The following RBPJ variants were observed in gnomAD, a reference collection of about 807,000 sequenced individuals.
RBPJ encodes the protein recombination signal binding protein for immunoglobulin kappa J region, also known as recombining binding protein suppressor of hairless.
In RBPJ, 9 loss-of-function variants were observed where a neutral mutation model predicts 67.8. That is an observed-to-expected ratio of 0.13 (90% CI 0.08 to 0.23). The LOEUF is 0.23. RBPJ is among the 10% of genes least tolerant of loss of function. The probability of loss-of-function intolerance (pLI) is 1.00; values close to 1 mark genes in which losing one functional copy is unlikely to be tolerated. For missense variants in RBPJ, 305 were observed against 595.6 expected, an observed-to-expected ratio of 0.51 and a Z score of 5.08; for synonymous variants, 198 against 203.3, an observed-to-expected ratio of 0.97 and a Z score of 0.22.
intron 1 of RBPJ, among the ~76,000 whole-genome samples, chr4:26,232,799 C>T (rs2109207271): frequency 6.6e-6 from 1 of 152,336 alleles, no homozygotes; most frequent in East Asian, 1.9e-4. Context: ...TTGGATCTCT[C>T]TGTGCTTCAT....
intron 1 of RBPJ, among the ~76,000 whole-genome samples, chr4:26,332,737 A>G (rs1467965866): frequency 2.0e-5 from 3 of 152,088 alleles, no homozygotes; most frequent in African/African-American, 7.2e-5. Context: ...TGAAGCCTGA[A>G]ACTCCTGGAC....
intron 1 of RBPJ, chr4:26,362,481 C>T: frequency 4.0e-6 from 6 of 1,485,884 alleles, no homozygotes; most frequent in Non-Finnish European, 5.4e-6. Flanking sequence ...CAAATGGAAG[C>T]ATTATAGTTC....
At chr4:26,293,648 T>G (rs1721750817) in intron 1 of RBPJ, among the ~76,000 whole-genome samples, 2 of 149,256 alleles carry the variant, frequency 1.3e-5, no homozygotes, top group Non-Finnish European at 3.0e-5. Context: ...AAATAAGAAA[T>G]AAAAAAATAA....
intron 1 of RBPJ, among the ~76,000 whole-genome samples, chr4:26,268,508 A>G (rs1720779017): frequency 6.6e-6 from 1 of 152,202 alleles, no homozygotes; most frequent in Admixed American, 6.5e-5. Context: ...TTAGCCAGCC[A>G]GGAGTACAGT....
At chr4:26,234,833 C>T (rs1719402224) in intron 1 of RBPJ, among the ~76,000 whole-genome samples, 2 of 152,098 alleles carry the variant, frequency 1.3e-5, no homozygotes, top group Admixed American at 1.3e-4. Flanking sequence ...GCTGGGATTA[C>T]AGGCACATGC....
chr4:26,149,955 C>A, the RBPJ span, among the ~76,000 whole-genome samples: 4 of 152,208 alleles, frequency 2.6e-5, no homozygotes, highest in Non-Finnish European at 4.4e-5. Flanking sequence ...CGTTTCTTAG[C>A]CTCTCCAGTG....
chr4:26,137,892 G>T, the RBPJ span, among the ~76,000 whole-genome samples: 4 of 152,192 alleles, frequency 2.6e-5, no homozygotes, highest in African/African-American at 9.7e-5. Context: ...ACGGGCCCCA[G>T]TTAGCTTAAC....
rs747169231 is a variant in RBPJ, at chr4:26,424,810, C to G, written c.747+67C>G. The G allele has an allele frequency of 1.6e-5, 15 of 928,638 alleles. No homozygotes were observed. The highest frequency in any genetic ancestry group is 2.4e-5 in the Non-Finnish European group (14 of 584,594). 57.5% of individuals were successfully genotyped at this position (928,638 alleles called of 1,614,324 possible). ...ATTAATTTCTTAAACAGGAAAATCA[C>G]AACATTCAAATGGAAAAACACACCT... On this transcript the variant is annotated intron_variant, in intron 7 of 10. Transcript: ENST00000355476. The surrounding 1 kb of genome is among the most constrained non-coding windows in gnomAD (Gnocchi z 5.3).
the RBPJ span, among the ~76,000 whole-genome samples, chr4:26,114,366 G>A: frequency 1.6e-4 from 24 of 151,666 alleles, no homozygotes; most frequent in African/African-American, 5.6e-4. Flanking sequence ...GGCTGAGGCA[G>A]GAGAAGCTTG....
chr4:26,400,016 A>G (rs1732604353), intron 2 of RBPJ, among the ~76,000 whole-genome samples: 1 of 152,226 alleles, frequency 6.6e-6, no homozygotes, highest in Admixed American at 6.5e-5. Context: ...CATTAAATGA[A>G]ATTAGTAAAC....
the RBPJ span, among the ~76,000 whole-genome samples, chr4:26,133,448 A>G: frequency 6.6e-6 from 1 of 152,192 alleles, no homozygotes; most frequent in Non-Finnish European, 1.5e-5. Context: ...CTCAGAGTTC[A>G]AGGGACTCAT....
the RBPJ span, among the ~76,000 whole-genome samples, chr4:26,118,379 T>C: frequency 0.36 from 54,204 of 152,058 alleles, 11,305 homozygotes; most frequent in African/African-American, 0.56. Flanking sequence ...CCAGGTGAGG[T>C]ATGGGTTATC....
chr4:26,284,347 A>G (rs960766823), intron 1 of RBPJ, among the ~76,000 whole-genome samples: 4 of 152,212 alleles, frequency 2.6e-5, no homozygotes, highest in Admixed American at 6.5e-5. Context: ...TCAGCCTCCA[A>G]CTTCATACTT....
At chr4:26,153,457 A>G in the RBPJ span, among the ~76,000 whole-genome samples, 1 of 152,180 alleles carries the variant, frequency 6.6e-6, no homozygotes, top group East Asian at 1.9e-4. Flanking sequence ...TGATTAAAAG[A>G]TTACTGTACA....
At chr4:26,140,691 G>A in the RBPJ span, among the ~76,000 whole-genome samples, 12 of 134,990 alleles carry the variant, frequency 8.9e-5, no homozygotes, top group East Asian at 2.2e-4. Flanking sequence ...GGTCACCAGC[G>A]TTTTGATTAA....
At chr4:26,346,590 T>A (rs776630760) in intron 1 of RBPJ, among the ~76,000 whole-genome samples, 10 of 152,178 alleles carry the variant, frequency 6.6e-5, no homozygotes, top group Non-Finnish European at 1.3e-4. Context: ...GAAAATGATT[T>A]GGGGCTGCTT....
rs548802368 is a variant in RBPJ, at chr4:26,213,665, T to C, written c.-167+50051T>C. Among the ~76,000 whole-genome samples, 8 of 152,272 alleles carry C rather than the reference T, an allele frequency of 5.3e-5. No individual in the cohort carries two copies. The South Asian group carries it at 1.7e-3, about 32-fold the overall frequency. On this transcript the variant is annotated intron_variant, in intron 1 of 4. Coordinates refer to the RBPJ transcript ENST00000512351. Reference sequence around the variant, plus strand: ...AAATGGGTTTGGATTTGCTTCTAACTGCAATGAAAAGCCACTAAAGGATTT... The same window carrying C: ...AAATGGGTTTGGATTTGCTTCTAACCGCAATGAAAAGCCACTAAAGGATTT...
intron 1 of RBPJ, among the ~76,000 whole-genome samples, chr4:26,333,499 G>A (rs866188533): frequency 2.0e-5 from 3 of 151,956 alleles, no homozygotes; most frequent in African/African-American, 7.3e-5. Context: ...CTGAAGTAGC[G>A]TAATGTATCT....
At chr4:26,312,234 C>T (rs2109307801) in intron 1 of RBPJ, among the ~76,000 whole-genome samples, 1 of 152,172 alleles carries the variant, frequency 6.6e-6, no homozygotes, top group Non-Finnish European at 1.5e-5. Context: ...CAGGTTCACG[C>T]CATTCTCCTG....
Sources: gnomAD v4.1 joint callset for allele counts (sites outside exome capture counted in the v4.1 genomes callset) on GRCh38, gnomAD v4.1.1 for gene constraint, Gnocchi (gnomAD v3.1) non-coding constraint, MANE v1.5 for transcripts, NCBI Gene and HGNC (gene_info 2026-07-23, HGNC 2026-07-21) for gene names.